ODAD3: variants seen among roughly 807,000 people sequenced by gnomAD.
ODAD3 encodes outer dynein arm-docking complex subunit 3.
In ODAD3, 57 loss-of-function variants were observed where a neutral mutation model predicts 70.9. The ratio of observed to expected loss-of-function variants is 0.80; its 90% confidence interval spans 0.65 to 1.00. The LOEUF is 1.00. Ranked by LOEUF, ODAD3 falls within the 50% of genes least tolerant of loss-of-function variation. The probability of loss-of-function intolerance (pLI) is 0.00; values close to 1 mark genes in which losing one functional copy is unlikely to be tolerated. For synonymous variants in ODAD3, 327 were observed against 315.9 expected (o/e 1.04, Z -0.37); for missense variants, 797 against 763.9 (o/e 1.04, Z -0.51).
upstream of ODAD3, chr19:11,435,547 C>T (rs943144337): frequency 3.4e-6 from 2 of 588,364 alleles, no homozygotes; most frequent in African/African-American, 1.9e-5. Flanking sequence ...GCCCCCACTC[C>T]TGCCTCTCCC....
At chr19:11,424,509 ATATG>A (rs1568347997) in intron 7 of ODAD3, among the ~76,000 whole-genome samples, 2 of 140,228 alleles carry the variant, frequency 1.4e-5, no homozygotes, top group African/African-American at 5.9e-5. Flanking sequence ...ATATATGTAT[ATATG>A]TATATATATG....
At chr19:11,424,694 T>A (rs1364986100) in intron 7 of ODAD3, among the ~76,000 whole-genome samples, 1 of 26,692 alleles carries the variant, frequency 3.7e-5, no homozygotes, top group Admixed American at 4.5e-4. Context: ...CCTATGTGTA[T>A]ATATGTATAT....
At position 11,426,186 on chromosome 19, in the gene ODAD3, G is replaced by C. The variant is rs61739937; in HGVS notation, c.921C>G (p.Arg307=). 1 of 1,613,278 alleles carries C rather than the reference G, an allele frequency of 6.2e-7. No individual in the cohort carries two copies. The highest frequency in any genetic ancestry group is 1.7e-5 in the Admixed American group (1 of 59,956). ...CGTTCTCCAGTTTCTTCTCCTCGGC[G>C]CGCTTCTTGCACTCACTTATGTAGC... ...RERYISECKK[R]AEEKKLENER... Residue 307 remains arginine, a synonymous_variant, in exon 7 of 13, where the codon CGC becomes CGG. Transcript: ENST00000356392.
chr19:11,421,774 T>C lies in ODAD3; in HGVS notation c.1493A>G (p.Asn498Ser), dbSNP rs754494451. 2.5e-6 allele frequency: 4 copies of C among 1,613,408 alleles called. No homozygotes were observed. Among genetic ancestry groups the C allele is most frequent in the Non-Finnish European group, 3.4e-6 (4 of 1,179,986 alleles). ...CTTTTCCTCCACGAGGCCCAGCAGG[T>C]TTGGCACATAGTTATCTGCCTGGGG... ...LDPQADNYVP[N>S]LLGLVEEKLL... Residue 498 changes from asparagine to serine, a missense_variant, in exon 11 of 13, where the codon AAC becomes AGC. Coordinates refer to ENST00000356392, the MANE Select transcript of ODAD3 (RefSeq NM_145045.5).
chr19:11,435,710 G>A (rs1599475807), upstream of ODAD3: 3 of 1,323,680 alleles, frequency 2.3e-6, no homozygotes, highest in African/African-American at 3.0e-5. Flanking sequence ...GCCTCGTGTA[G>A]GTGTGAACGA....
Position 11,420,958 on chromosome 19 carries a change from TG to T in ODAD3, c.1676-12del. 2 of 1,475,366 alleles carry T rather than the reference TG, an allele frequency of 1.4e-6. No individual in the cohort carries two copies. Among genetic ancestry groups the T allele is most frequent in the Non-Finnish European group, 1.9e-6 (2 of 1,056,586 alleles). The allele number at this position is 1,475,366 out of a possible 1,614,324, so 91.4% of individuals were successfully genotyped here. ...CCTCACTCTCTTCGTCTAAGGGGGGTGGGGGGATGAGCAGGGAGCGATGTGG... is the reference window on the plus strand; with the variant it reads ...CCTCACTCTCTTCGTCTAAGGGGGGTGGGGGATGAGCAGGGAGCGATGTGG... On this transcript the variant is annotated splice_polypyrimidine_tract_variant and intron_variant, in intron 12 of 12. Transcript: ENST00000356392.
intron 7 of ODAD3, 126 bp from the exon 8 acceptor site, chr19:11,424,155 CA>C: frequency 2.4e-6 from 3 of 1,248,032 alleles, no homozygotes; most frequent in Admixed American, 2.1e-5. Context: ...AGGGAGAGGG[CA>C]AAAGCTTGGG....
At chr19:11,424,107 A>G in intron 7 of ODAD3, 78 bp from the exon 8 acceptor site, 1 of 1,526,796 alleles carries the variant, frequency 6.5e-7, no homozygotes, top group Admixed American at 1.7e-5. Flanking sequence ...GGGGATCCAG[A>G]TAGGGGCCCG....
chr19:11,420,984 G>A lies in ODAD3; in HGVS notation c.1676-37C>T, dbSNP rs374710237. 54 of 1,600,562 alleles carry A rather than the reference G, an allele frequency of 3.4e-5. 2 individuals are homozygous for A. In the Middle Eastern group the frequency reaches 5.0e-4, roughly 15 times the overall value. ...GGGGGGATGAGCAGGGAGCGATGTG[G>A]GATCCAGGTCCCCATCCCTGGCTCC... On this transcript the variant is annotated intron_variant, in intron 12 of 12. Coordinates refer to ENST00000356392, the MANE Select transcript of ODAD3 (RefSeq NM_145045.5).
rs1306468118 is a variant in ODAD3, at chr19:11,424,047, T to C, written c.964-18A>G. 3 of 1,600,622 alleles carry C rather than the reference T, an allele frequency of 1.9e-6. No homozygotes were observed. The South Asian group carries it at 3.3e-5, about 18-fold the overall frequency. ...CGGTGGGTCTGCTCGTGGGTTGAGG[T>C]CAGAGCCAGGGTCAGCTGGTGGACA... On this transcript the variant is annotated intron_variant, in intron 7 of 12. Transcript: ENST00000356392.
Position 11,422,781 on chromosome 19 carries a change from C to T in ODAD3, c.1197G>A (p.Leu399=), listed in dbSNP as rs1358157253. The T allele has an allele frequency of 6.2e-7, 1 of 1,611,602 alleles. No homozygotes were observed. Among genetic ancestry groups the T allele is most frequent in the East Asian group, 2.2e-5 (1 of 44,882 alleles). ...ETLKSENEQT[L]VRLKQEKQQL... ...GTTGCTTCTCCTGCTTCAGCCTCAC[C>T]AACGTCTGCTCGTTCTCGCTCTTGA... The change falls in exon 9 of 13, where the codon TTG becomes TTA. Residue 399 remains leucine, a synonymous_variant. Coordinates refer to ENST00000356392, the MANE Select transcript of ODAD3 (RefSeq NM_145045.5). The surrounding 1 kb of genome is among the most constrained non-coding windows in gnomAD (Gnocchi z 4.6).
At chr19:11,435,263 G>T, upstream of ODAD3, 1 of 1,297,756 alleles carries the variant, frequency 7.7e-7, no homozygotes, top group Non-Finnish European at 1.0e-6. Flanking sequence ...CTGCATAGAG[G>T]GGCGGTCCCA....
At chr19:11,423,406 G>GGA (rs1191655942) in intron 8 of ODAD3, among the ~76,000 whole-genome samples, 1 of 152,074 alleles carries the variant, frequency 6.6e-6, no homozygotes, top group Non-Finnish European at 1.5e-5. Flanking sequence ...GCGGGAACCA[G>GGA]GACCCAAGGG....
intron 1 of ODAD3, among the ~76,000 whole-genome samples, chr19:11,434,014 C>T (rs1316777481): frequency 1.3e-5 from 2 of 150,940 alleles, no homozygotes; most frequent in Non-Finnish European, 2.9e-5. Flanking sequence ...ATCAGGAGTT[C>T]GAGACCAGCC....
At chr19:11,427,483 C>T (rs77047992) in intron 3 of ODAD3, among the ~76,000 whole-genome samples, 5 of 108,422 alleles carry the variant, frequency 4.6e-5, no homozygotes, top group Admixed American at 9.8e-5. Context: ...GTTTTCTTTT[C>T]TTTTTTTTTT....
At chr19:11,425,150 T>G (rs547981723) in intron 7 of ODAD3, among the ~76,000 whole-genome samples, 4 of 118,336 alleles carry the variant, frequency 3.4e-5, no homozygotes, top group Admixed American at 3.2e-4. Flanking sequence ...TATGTACATA[T>G]GTATATATAC....
Position 11,426,529 on chromosome 19 carries a change from C to T in ODAD3, c.757G>A (p.Ala253Thr). 1.2e-6 allele frequency: 2 copies of T among 1,614,074 alleles called. No homozygotes were observed. Among genetic ancestry groups the T allele is most frequent in the Non-Finnish European group, 1.7e-6 (2 of 1,179,982 alleles). ...TCATGTTTGGTCCTCACCACCTCAGCCTCCATGGAGTCCAGCCGGTTCTCC... is the reference window on the plus strand; with the variant it reads ...TCATGTTTGGTCCTCACCACCTCAGTCTCCATGGAGTCCAGCCGGTTCTCC... ...NLENRLDSMEAEVVRTKHELE... is the reference protein window; with the variant it reads ...NLENRLDSMETEVVRTKHELE... Residue 253 changes from alanine to threonine, a missense_variant, in exon 6 of 13, where the codon GCT becomes ACT. Ala to Thr is a moderately conservative substitution (Grantham distance 58, BLOSUM62 0). Coordinates refer to ENST00000356392, the MANE Select transcript of ODAD3 (RefSeq NM_145045.5).
At chr19:11,423,720 A>G (rs967282491) in intron 8 of ODAD3, among the ~76,000 whole-genome samples, 157 bp downstream of exon 8, 1 of 150,764 alleles carries the variant, frequency 6.6e-6, no homozygotes, top group African/African-American at 2.4e-5. Flanking sequence ...TGGAGGGGGA[A>G]GGGATGTTTT....
At chr19:11,427,395 C>T (rs1375432134) in intron 3 of ODAD3, among the ~76,000 whole-genome samples, 2 of 150,676 alleles carry the variant, frequency 1.3e-5, no homozygotes, top group Non-Finnish European at 3.0e-5. Flanking sequence ...CCTGGGTTCA[C>T]GCCATTCTCC....
Sources: allele counts gnomAD v4.1 joint callset (sites outside exome capture counted in the v4.1 genomes callset), GRCh38; gene constraint gnomAD v4.1.1; non-coding constraint Gnocchi (gnomAD v3.1); transcripts MANE v1.5; gene names NCBI Gene and HGNC (gene_info 2026-07-23, HGNC 2026-07-21).